SEC22A: variants seen among roughly 807,000 people sequenced by gnomAD.
SEC22A encodes the protein SEC22 homolog A, vesicle trafficking protein, also known as vesicle-trafficking protein SEC22a.
Under a neutral mutation model 35.3 loss-of-function variants are expected in SEC22A, and 22 were observed. The ratio of observed to expected loss-of-function variants is 0.62; its 90% CI spans 0.45 to 0.89. The LOEUF (loss-of-function observed/expected upper bound fraction) is 0.89, where lower values mean the gene tolerates loss of function less well. Ranked by LOEUF, SEC22A falls within the 40% of genes least tolerant of loss-of-function variation. The pLI, the probability that SEC22A is intolerant of heterozygous loss-of-function variation, is 0.00. For missense variants in SEC22A, 354 were observed against 362.5 expected, an observed-to-expected ratio of 0.98 and a Z score of 0.19; for synonymous variants, 119 against 129.5, an observed-to-expected ratio of 0.92 and a Z score of 0.55.
intron 5 of SEC22A, among the ~76,000 whole-genome samples, chr3:123,256,170 C>G (rs1005863700): frequency 6.6e-6 from 1 of 152,134 alleles, no homozygotes; most frequent in Admixed American, 6.5e-5. Context: ...AATCTAGGAG[C>G]TAATCAAGAA....
chr3:123,256,885 G>A (rs903459198), intron 5 of SEC22A, among the ~76,000 whole-genome samples: 2 of 149,814 alleles, frequency 1.3e-5, no homozygotes, highest in South Asian at 4.3e-4. Context: ...TCAGCCTCCC[G>A]AGTATCTGGG....
At chr3:123,257,647 C>T (rs1413118564) in intron 5 of SEC22A, among the ~76,000 whole-genome samples, 23 of 151,416 alleles carry the variant, frequency 1.5e-4, no homozygotes, top group African/African-American at 4.6e-4. Flanking sequence ...TGCAGTGAGC[C>T]GAGATCGCGC....
intron 6 of SEC22A, among the ~76,000 whole-genome samples, chr3:123,265,512 C>T (rs1486176971): frequency 6.6e-6 from 1 of 150,682 alleles, no homozygotes; most frequent in Non-Finnish European, 1.5e-5. Flanking sequence ...CTTATCTTTT[C>T]ATCCTCTTAA....
intron 3 of SEC22A, among the ~76,000 whole-genome samples, chr3:123,224,264 GA>G (rs78377430): frequency 2.8e-3 from 366 of 131,026 alleles, no homozygotes; most frequent in South Asian, 5.8e-3. Flanking sequence ...TGATGTAGAA[GA>G]AAAAAAAAAA....
chr3:123,258,913 T>C (rs1252191177), intron 5 of SEC22A, among the ~76,000 whole-genome samples: 5 of 152,208 alleles, frequency 3.3e-5, no homozygotes, highest in African/African-American at 1.2e-4. Context: ...TCCATTAGTT[T>C]TCTTTTCAGA....
chr3:123,217,264 C>A (rs554961499), intron 2 of SEC22A, among the ~76,000 whole-genome samples: 1 of 151,650 alleles, frequency 6.6e-6, no homozygotes, highest in South Asian at 2.1e-4. Context: ...ATGGCACGAT[C>A]TTGGCTCACT....
chr3:123,208,576 A>G (rs912284583), intron 1 of SEC22A: 2 of 152,054 alleles, frequency 1.3e-5, no homozygotes, highest in African/African-American at 4.8e-5. Flanking sequence ...GCAGGCGCCT[A>G]TAGTCCCAGC....
rs370011479 is a variant in SEC22A at position 123,215,496 on chromosome 3, C to A, written c.182+6097C>A. Reference sequence around the variant, plus strand: ...GCTAAGACTGCATCACATGTCCTTACCCCTTTGAGCTTTACCAAAGCCATA... The same window carrying A: ...GCTAAGACTGCATCACATGTCCTTAACCCTTTGAGCTTTACCAAAGCCATA... On this transcript the variant is annotated intron_variant, in intron 2 of 6. Coordinates refer to ENST00000492595, the MANE Select transcript of SEC22A (RefSeq NM_012430.5). 1.7e-3 allele frequency among the ~76,000 whole-genome samples: 253 copies of A among 152,260 alleles called. 2 individuals are homozygous for A. The highest frequency in any genetic ancestry group is 0.015 in the South Asian group (70 of 4,818).
chr3:123,203,356 A>G (rs1307692072), intron 1 of SEC22A, among the ~76,000 whole-genome samples: 1 of 152,136 alleles, frequency 6.6e-6, no homozygotes, highest in African/African-American at 2.4e-5. Context: ...GGTAATGTGT[A>G]TAAAGTGCGT....
At chr3:123,225,393 T>C in intron 4 of SEC22A, 96 bp downstream of exon 4, 1 of 713,424 alleles carries the variant, frequency 1.4e-6, no homozygotes, top group Non-Finnish European at 2.2e-6. Flanking sequence ...ATATTTTAAA[T>C]CAAGTACATG....
At chr3:123,248,387 A>G (rs1239298261) in intron 5 of SEC22A, among the ~76,000 whole-genome samples, 1 of 152,220 alleles carries the variant, frequency 6.6e-6, no homozygotes, top group Non-Finnish European at 1.5e-5. Flanking sequence ...TTATAGCAAG[A>G]TTGCAGGATA....
intron 4 of SEC22A, among the ~76,000 whole-genome samples, chr3:123,242,980 GTTC>G (rs1331799380): frequency 6.6e-6 from 1 of 151,996 alleles, no homozygotes; most frequent in Admixed American, 6.6e-5. Context: ...TGAGAATCTT[GTTC>G]TTCAGTGGTT....
rs72962453 is a variant in SEC22A at position 123,266,730 on chromosome 3, G to A, written c.724-4792G>A. Among the ~76,000 whole-genome samples the A allele has an allele frequency of 7.9e-3, 1,206 of 151,790 alleles. 14 individuals are homozygous for A. The highest frequency in any genetic ancestry group is 0.027 in the African/African-American group (1,121 of 41,250). On this transcript the variant is annotated intron_variant, in intron 6 of 6. Coordinates refer to ENST00000492595, the MANE Select transcript of SEC22A (RefSeq NM_012430.5). ...GGTCTGTCTTGTTATATGTTCCATA[G>A]CCACTTGAACAGAATGTGTATTCTG...
At chr3:123,250,386 G>A (rs1469753474) in intron 5 of SEC22A, among the ~76,000 whole-genome samples, 3 of 152,038 alleles carry the variant, frequency 2.0e-5, no homozygotes, top group Non-Finnish European at 4.4e-5. Flanking sequence ...CTCTCAGCCT[G>A]GCGACAAAGT....
Position 123,228,394 on chromosome 3 carries a change from G to A in SEC22A, c.541+3097G>A, listed in dbSNP as rs555958209. Among the ~76,000 whole-genome samples the A allele has an allele frequency of 1.8e-3, 236 of 133,978 alleles. 2 individuals carry two copies. Among genetic ancestry groups the A allele is most frequent in the Admixed American group, 0.013 (160 of 12,786 alleles). The allele number at this position is 133,978 out of a possible 152,430, so 87.9% of individuals were successfully genotyped here. A position where few individuals can be genotyped will look rare whatever the true frequency, so the allele number is the denominator to read the frequency against. The stretch of plus-strand genomic sequence containing the variant: ...AGCCTGACCAACATGGAGAAATCCC[G>A]TCTCTACTAAAAAAAAAAAAAAAAA... On this transcript the variant is annotated intron_variant, in intron 4 of 6. Coordinates refer to ENST00000492595, the MANE Select transcript of SEC22A (RefSeq NM_012430.5).
intron 5 of SEC22A, 138 bp from the exon 6 acceptor site, chr3:123,259,386 G>T: frequency 6.5e-6 from 4 of 619,730 alleles, no homozygotes; most frequent in South Asian, 2.1e-5. Flanking sequence ...TTCATTTTAG[G>T]ACTCTTGAGA....
At chr3:123,202,488 C>G (rs1936766689) in intron 1 of SEC22A, among the ~76,000 whole-genome samples, 1 of 152,018 alleles carries the variant, frequency 6.6e-6, no homozygotes, top group Non-Finnish European at 1.5e-5. Flanking sequence ...TGGAGTGAGC[C>G]CTGAGCCCAG....
At chr3:123,251,844 C>T (rs1358539273) in intron 5 of SEC22A, among the ~76,000 whole-genome samples, 2 of 152,102 alleles carry the variant, frequency 1.3e-5, no homozygotes, top group Admixed American at 6.5e-5. Flanking sequence ...GAATATTTTT[C>T]CTTTCCTTTT....
At chr3:123,231,915 T>C (rs1323274233) in intron 4 of SEC22A, among the ~76,000 whole-genome samples, 2 of 152,002 alleles carry the variant, frequency 1.3e-5, no homozygotes, top group Admixed American at 1.3e-4. Context: ...AACCCTTAGC[T>C]AGATTGACCC....
Sources: gnomAD v4.1 joint callset for allele counts (sites outside exome capture counted in the v4.1 genomes callset) on GRCh38, gnomAD v4.1.1 for gene constraint, MANE v1.5 for transcripts, NCBI Gene and HGNC (gene_info 2026-07-23, HGNC 2026-07-21) for gene names.